The following CHAF1B variants were observed in gnomAD, a reference collection of about 807,000 sequenced individuals.
CHAF1B encodes the protein CAF-1 subunit B.
A neutral mutation model predicts 60.7 loss-of-function variants in CHAF1B; 10 were observed. The ratio of observed to expected loss-of-function variants is 0.16; its 90% CI spans 0.10 to 0.28. The LOEUF (loss-of-function observed/expected upper bound fraction) is 0.28. Among genes scored for constraint, CHAF1B ranks in the 10% least tolerant of loss-of-function variants. The probability of loss-of-function intolerance (pLI) is 1.00; values close to 1 mark genes in which losing one functional copy is unlikely to be tolerated. For synonymous variants in CHAF1B, 261 were observed against 266.1 expected (o/e 0.98, Z 0.19); for missense variants, 558 against 708.4 (o/e 0.79, Z 2.41).
chr21:36,409,700 G>T (rs1188361411), intron 10 of CHAF1B, among the ~76,000 whole-genome samples: 2 of 151,990 alleles, frequency 1.3e-5, no homozygotes, highest in Non-Finnish European at 2.9e-5. Context: ...GTTTCACCAT[G>T]TTGCCAAGGC....
In CHAF1B at chr21:36,408,686, C is replaced by G. The variant is rs2086255231; in HGVS notation, c.758-75C>G. 9 of 1,045,648 alleles carry G rather than the reference C, an allele frequency of 8.6e-6. No homozygotes were observed. The East Asian group carries it at 1.9e-4, about 22-fold the overall frequency. 64.8% of individuals were successfully genotyped at this position (1,045,648 alleles called of 1,614,324 possible). A position where few individuals can be genotyped will look rare whatever the true frequency, so the allele number is the denominator to read the frequency against. ...ATTTTGCAAACCGGACCTGAAGGCT[C>G]TTGAGTTTCTGTTGGTGAACAGTTT... On this transcript the variant is annotated intron_variant, in intron 8 of 13. Coordinates refer to ENST00000314103, the MANE Select transcript of CHAF1B (RefSeq NM_005441.3).
At chr21:36,393,878 G>A (rs2086114831) in intron 4 of CHAF1B, among the ~76,000 whole-genome samples, 1 of 151,874 alleles carries the variant, frequency 6.6e-6, no homozygotes, top group African/African-American at 2.4e-5. Context: ...TAACTTGTCC[G>A]TTTTTGAGTT....
chr21:36,388,128 A>G (rs1434021482), intron 3 of CHAF1B, among the ~76,000 whole-genome samples: 3 of 151,774 alleles, frequency 2.0e-5, no homozygotes, highest in Non-Finnish European at 4.4e-5. Flanking sequence ...CGGCCTGGAT[A>G]TGCTTTTTAG....
Position 36,413,153 on chromosome 21 carries a change from C to G in CHAF1B, c.1331C>G (p.Thr444Arg), listed in dbSNP as rs1036027346. 2 of 1,613,958 alleles carry G rather than the reference C, an allele frequency of 1.2e-6. No individual in the cohort carries two copies. Among genetic ancestry groups the G allele is most frequent in the African/African-American group, 2.7e-5 (2 of 74,898 alleles). ...CAGGCCAGACAGGCCCCAGCCCCAA[C>G]AGTCATCAGGGACCCTCCCTCCATC... ...PPQARQAPAP[T>R]VIRDPPSITP... is the part of the protein sequence containing the mutation. The change falls in exon 12 of 14, where the codon ACA becomes AGA. Residue 444 changes from threonine to arginine, a missense_variant. Around this residue, in one of 2 missense-constraint regions of CHAF1B, gnomAD observed 233 missense variants for 214.9 expected, o/e 1.08. Coordinates refer to ENST00000314103, the MANE Select transcript of CHAF1B (RefSeq NM_005441.3).
intron 2 of CHAF1B, among the ~76,000 whole-genome samples, chr21:36,387,131 G>A (rs569921621): frequency 6.6e-6 from 1 of 152,014 alleles, no homozygotes; most frequent in Non-Finnish European, 1.5e-5. Flanking sequence ...GGCGGAGGGG[G>A]ACAGTAGACA....
rs1386831235 is a variant in CHAF1B at position 36,418,301 on chromosome 21, C to G, written c.*1935C>G. 1 of 152,296 alleles carries G rather than the reference C, an allele frequency of 6.6e-6. No individual in the cohort carries two copies. The highest frequency in any genetic ancestry group is 2.4e-5 in the African/African-American group (1 of 41,428). The allele number at this position is 152,296 out of a possible 1,614,324, so 9.4% of individuals were successfully genotyped here. The stretch of plus-strand genomic sequence containing the variant: ...TGCTGGGATTACAGGCGTGAGCCAC[C>G]GCGCCCAGCCGAAAGCATTTTCTTG... On this transcript the variant is annotated 3_prime_UTR_variant, in exon 14 of 14. Coordinates refer to ENST00000314103, the MANE Select transcript of CHAF1B (RefSeq NM_005441.3).
At chr21:36,402,293 C>T (rs144757817) in intron 7 of CHAF1B, among the ~76,000 whole-genome samples, 30 of 152,184 alleles carry the variant, frequency 2.0e-4, no homozygotes, top group African/African-American at 6.3e-4. Flanking sequence ...GCCTGGGTGA[C>T]AGAGCGAGAC....
Position 36,392,502 on chromosome 21 carries a change from G to A in CHAF1B, c.377+834G>A, listed in dbSNP as rs572657347. On this transcript the variant is annotated intron_variant, in intron 4 of 13. Transcript: ENST00000314103. Reference sequence around the variant, plus strand: ...TCCTCACTTCCCAGACAGGGCGGCCGGGCAGAGGCGCCCCCCACCTCCCGG... The same window carrying A: ...TCCTCACTTCCCAGACAGGGCGGCCAGGCAGAGGCGCCCCCCACCTCCCGG... Among the ~76,000 whole-genome samples, 17 of 151,356 alleles carry A rather than the reference G, an allele frequency of 1.1e-4. No individual in the cohort carries two copies. The South Asian group carries it at 2.5e-3, about 22-fold the overall frequency.
chr21:36,416,652 G>A lies in CHAF1B; in HGVS notation c.*286G>A. The A allele has an allele frequency of 3.6e-6, 1 of 275,592 alleles. No individual in the cohort carries two copies. Among genetic ancestry groups the A allele is most frequent in the East Asian group, 6.2e-5 (1 of 16,124 alleles). 17.1% of individuals were successfully genotyped at this position (275,592 alleles called of 1,614,324 possible). On this transcript the variant is annotated 3_prime_UTR_variant, in exon 14 of 14. Transcript: ENST00000314103. The stretch of plus-strand genomic sequence containing the variant: ...AACGTTATCCAGTGTGAAAATCAGT[G>A]AGTCCTCCCTGGCATCCTCGTGAAA...
Position 36,401,398 on chromosome 21 carries a change from AAT to A in CHAF1B, c.664-1353_664-1352del, listed in dbSNP as rs1023474132. Among the ~76,000 whole-genome samples, 9 of 125,886 alleles carry A rather than the reference AAT, an allele frequency of 7.1e-5. No homozygotes were observed. The South Asian group carries it at 1.5e-3, about 21-fold the overall frequency. 82.6% of individuals were successfully genotyped at this position (125,886 alleles called of 152,430 possible). A position where few individuals can be genotyped will look rare whatever the true frequency, so the allele number is the denominator to read the frequency against. ...TAATATATATTTTTATATTATACAT[AAT>A]ATATATTTTTATATTATACATAATA... On this transcript the variant is annotated intron_variant, in intron 7 of 13. Transcript: ENST00000314103.
chr21:36,405,598 T>A (rs2086231974), intron 8 of CHAF1B, among the ~76,000 whole-genome samples: 1 of 151,900 alleles, frequency 6.6e-6, no homozygotes, highest in African/African-American at 2.4e-5. Context: ...CCTGGCTAAT[T>A]TTCTTATTTT....
rs547941817 is a variant in CHAF1B at position 36,417,599 on chromosome 21, G to T, written c.*1233G>T. 1 of 152,082 alleles carries T rather than the reference G, an allele frequency of 6.6e-6. No homozygotes were observed. The highest frequency in any genetic ancestry group is 2.1e-4 in the South Asian group (1 of 4,814). The allele number at this position is 152,082 out of a possible 1,614,324, so 9.4% of individuals were successfully genotyped here. On this transcript the variant is annotated 3_prime_UTR_variant, in exon 14 of 14. Transcript: ENST00000314103. ...CCTGCCTCGGCCTCCCAAAGTGTTG[G>T]GATTACAGGTGTGAGCTACTGCACC...
At chr21:36,387,796 A>G in intron 3 of CHAF1B, 66 bp downstream of exon 3, 2 of 1,463,452 alleles carry the variant, frequency 1.4e-6, no homozygotes, top group Non-Finnish European at 1.9e-6. Flanking sequence ...CTTGTGTCAG[A>G]TAGTGAGATT....
At chr21:36,388,264 G>A (rs2086052042) in intron 3 of CHAF1B, among the ~76,000 whole-genome samples, 1 of 152,158 alleles carries the variant, frequency 6.6e-6, no homozygotes, top group Non-Finnish European at 1.5e-5. Flanking sequence ...TTTGAAAACA[G>A]CTGCTTTCCC....
chr21:36,387,821 T>A (rs2086046987), intron 3 of CHAF1B, 91 bp downstream of exon 3: 4 of 186,834 alleles, frequency 2.1e-5, no homozygotes, highest in Non-Finnish European at 3.5e-5. Context: ...CTGGATATGC[T>A]TTTTTTTTTT....
intron 4 of CHAF1B, among the ~76,000 whole-genome samples, chr21:36,393,571 C>T (rs1177458021): frequency 6.6e-6 from 1 of 151,200 alleles, no homozygotes; most frequent in African/African-American, 2.4e-5. Flanking sequence ...CCTACCTCAG[C>T]CTCCCGAGTA....
rs1308233851 is a variant in CHAF1B at position 36,391,464 on chromosome 21, A to G, written c.260-87A>G. 5 of 199,636 alleles carry G rather than the reference A, an allele frequency of 2.5e-5. No individual in the cohort carries two copies. In the East Asian group the frequency reaches 8.1e-4, roughly 32 times the overall value. 12.4% of individuals were successfully genotyped at this position (199,636 alleles called of 1,614,324 possible). On this transcript the variant is annotated intron_variant, in intron 3 of 13. Transcript: ENST00000314103. ...GGGCGACAGGGTGAGACTCCGTCTC[A>G]AAAAAAAAAAAAAAAATGAAAATAA...
Position 36,417,853 on chromosome 21 carries a change from C to T in CHAF1B, c.*1487C>T, listed in dbSNP as rs537418547. 1.3e-5 allele frequency: 2 copies of T among 152,054 alleles called. No individual in the cohort carries two copies. Among genetic ancestry groups the T allele is most frequent in the East Asian group, 1.9e-4 (1 of 5,172 alleles). The allele number at this position is 152,054 out of a possible 1,614,324, so 9.4% of individuals were successfully genotyped here. ...GCTGACATACCAGTGCCTGGGTTCCCGCTTCGGAGGATTTGGCCTAATCGG... is the reference window on the plus strand; with the variant it reads ...GCTGACATACCAGTGCCTGGGTTCCTGCTTCGGAGGATTTGGCCTAATCGG... On this transcript the variant is annotated 3_prime_UTR_variant, in exon 14 of 14. Coordinates refer to ENST00000314103, the MANE Select transcript of CHAF1B (RefSeq NM_005441.3).
intron 11 of CHAF1B, among the ~76,000 whole-genome samples, chr21:36,412,257 G>T (rs1256813911): frequency 6.6e-6 from 1 of 152,188 alleles, no homozygotes; most frequent in African/African-American, 2.4e-5. Context: ...TGCTGCCCAG[G>T]ACAGGGAAGT....
Sources: allele counts gnomAD v4.1 joint callset (sites outside exome capture counted in the v4.1 genomes callset), GRCh38; gene constraint gnomAD v4.1.1; regional missense constraint gnomAD v4.1.1; transcripts MANE v1.5; gene names NCBI Gene and HGNC (gene_info 2026-07-23, HGNC 2026-07-21).